Variants in PTPRB observed in about 807,000 individuals in gnomAD.
PTPRB encodes the protein receptor-type tyrosine-protein phosphatase beta.
PTPRB carries 97 observed loss-of-function variants against 238.1 expected under a neutral mutation model. The observed-to-expected ratio is 0.41, with a 90% CI of 0.35 to 0.48. The LOEUF is 0.48. Ranked by LOEUF, PTPRB falls within the 20% of genes least tolerant of loss-of-function variation. PTPRB has a pLI of 0.30. For missense variants in PTPRB, 2,292 were observed against 2,681.9 expected (o/e 0.85, Z 3.21); for synonymous variants, 970 against 995.4 (o/e 0.97, Z 0.48).
At chr12:70,625,766 A>G (rs1885146617) in intron 2 of PTPRB, among the ~76,000 whole-genome samples, 1 of 152,178 alleles carries the variant, frequency 6.6e-6, no homozygotes, top group African/African-American at 2.4e-5. Flanking sequence ...GCTATTTTTG[A>G]AAGCTTTATT....
chr12:70,552,539 C>T (rs910361511), intron 21 of PTPRB, among the ~76,000 whole-genome samples: 1 of 151,082 alleles, frequency 6.6e-6, no homozygotes, highest in Non-Finnish European at 1.5e-5. Context: ...CTATTAAGAA[C>T]CTTCAGTTCT....
chr12:70,564,849 T>TA (rs1254111107), intron 15 of PTPRB, among the ~76,000 whole-genome samples: 2 of 27,674 alleles, frequency 7.2e-5, no homozygotes, highest in Non-Finnish European at 1.2e-4. Context: ...TAATAAATAA[T>TA]AATAATAATA....
intron 1 of PTPRB, among the ~76,000 whole-genome samples, chr12:70,636,856 A>G (rs1223274706): frequency 1.3e-5 from 2 of 152,212 alleles, no homozygotes; most frequent in Non-Finnish European, 1.5e-5. Flanking sequence ...ACCATTTTCA[A>G]TGAGGTTTTA....
intron 9 of PTPRB, among the ~76,000 whole-genome samples, chr12:70,582,766 A>G (rs1229482796): frequency 6.6e-6 from 1 of 152,126 alleles, no homozygotes; most frequent in African/African-American, 2.4e-5. Context: ...ATATGACACC[A>G]CAGCATGATT....
chr12:70,632,197 G>C (rs1885482557), intron 2 of PTPRB, among the ~76,000 whole-genome samples: 1 of 152,150 alleles, frequency 6.6e-6, no homozygotes, highest in African/African-American at 2.4e-5. Context: ...ATCAATGGTA[G>C]ACTAGATTAA....
chr12:70,533,715 A>AC (rs1257669362), intron 31 of PTPRB, among the ~76,000 whole-genome samples: 1 of 152,168 alleles, frequency 6.6e-6, no homozygotes, highest in Non-Finnish European at 1.5e-5. Context: ...CATGAACGGG[A>AC]CTGGTGCCTT....
intron 4 of PTPRB, chr12:70,608,868 G>A: frequency 1.3e-6 from 1 of 745,892 alleles, no homozygotes; most frequent in Non-Finnish European, 2.1e-6. Context: ...GCTGTTTTCA[G>A]CACTAAGGGA....
intron 7 of PTPRB, among the ~76,000 whole-genome samples, chr12:70,590,940 GTTTTTTTTTTT>G (rs35496972): frequency 1.9e-5 from 2 of 102,860 alleles, no homozygotes; most frequent in African/African-American, 3.6e-5. Context: ...TTTCCTCCAA[GTTTTTTTTTTT>G]TTTTTTTTTT....
At chr12:70,594,349 A>G (rs1882787675) in intron 6 of PTPRB, 118 bp downstream of exon 6, 1 of 1,340,608 alleles carries the variant, frequency 7.5e-7, no homozygotes, top group African/African-American at 1.5e-5. Flanking sequence ...TGGGTCTTCT[A>G]TACCTTATAA....
Position 70,534,534 on chromosome 12 carries a change from A to C in PTPRB, c.6322T>G (p.Tyr2108Asp). 6.2e-7 allele frequency: 1 copy of C among 1,613,422 alleles called. No individual in the cohort carries two copies. The highest frequency in any genetic ancestry group is 2.2e-5 in the East Asian group (1 of 44,870). Residue 2108 changes from tyrosine (Y) to aspartate (D), a missense_variant, in exon 31 of 34, where the codon TAC (tyrosine) becomes GAC (aspartate). Coordinates refer to ENST00000334414, the MANE Select transcript of PTPRB (RefSeq NM_001109754.4). Reference protein sequence around the residue: ...LIQFVRTVRDYINRSPGAGPT... With the variant: ...LIQFVRTVRDDINRSPGAGPT... Reference sequence around the variant, plus strand: ...CCAGCACCCGGGCTTCTGTTGATGTAGTCCCTGACAGTTCTCACAAACTGG... The same window carrying C: ...CCAGCACCCGGGCTTCTGTTGATGTCGTCCCTGACAGTTCTCACAAACTGG...
intron 8 of PTPRB, among the ~76,000 whole-genome samples, chr12:70,587,849 C>G (rs1331491235): frequency 1.3e-5 from 2 of 151,764 alleles, no homozygotes; most frequent in Non-Finnish European, 1.5e-5. Context: ...ATCTGTAATC[C>G]CAGCACTTTG....
Position 70,622,640 on chromosome 12 carries a change from AG to A in PTPRB, c.457del (p.Leu153TrpfsTer7). 2 of 1,560,054 alleles carry A rather than the reference AG, an allele frequency of 1.3e-6. No individual in the cohort carries two copies. Among genetic ancestry groups the A allele is most frequent in the Non-Finnish European group, 1.7e-6 (2 of 1,147,448 alleles). ...GCTCCTCACCGAAACTTCTGCTCCC[AG>A]GCCAGCTGAGGTAAAGAAAAGATAG... ...NESLCLQKAG[L>X]GAEVSVRSTR... On this transcript the variant is annotated frameshift_variant, in exon 3 of 34. Coordinates refer to ENST00000334414, the MANE Select transcript of PTPRB (RefSeq NM_001109754.4). LOFTEE classifies it high-confidence loss of function.
chr12:70,588,356 G>A (rs532060447), intron 8 of PTPRB, among the ~76,000 whole-genome samples: 13 of 152,220 alleles, frequency 8.5e-5, no homozygotes, highest in South Asian at 8.3e-4. Context: ...AGTTTGGGCC[G>A]GGTGCAGTGC....
intron 18 of PTPRB, among the ~76,000 whole-genome samples, chr12:70,557,532 C>G (rs1877877885): frequency 6.6e-6 from 1 of 152,206 alleles, no homozygotes; most frequent in Admixed American, 6.5e-5. Context: ...TTCTAGCACC[C>G]GGGACTGAAT....
intron 3 of PTPRB, chr12:70,609,870 C>G: frequency 1.3e-6 from 2 of 1,530,140 alleles, no homozygotes; most frequent in Non-Finnish European, 8.8e-7. Flanking sequence ...TGGGACGGCC[C>G]GAGGGCCGGG....
chr12:70,576,558 A>G lies in PTPRB; in HGVS notation c.2666T>C (p.Val889Ala), dbSNP rs764791076. ...SVSWLLAPGD[V>A]DNYEVTLSHD... ...AGACAATGTTACCTCATAGTTATCC[A>G]CATCTCCGGGCGCCAGCAGCCAGGA... Residue 889 changes from valine to alanine, a missense_variant, in exon 11 of 34, where the codon GTG becomes GCG. Around this residue, in one of 4 missense-constraint regions of PTPRB, gnomAD observed 1,205 missense variants for 1,287.8 expected, o/e 0.94. Transcript: ENST00000334414. 4.5e-6 allele frequency: 7 copies of G among 1,554,018 alleles called. No individual in the cohort carries two copies. In the South Asian group the frequency reaches 8.3e-5, roughly 18 times the overall value.
At chr12:70,621,761 A>G (rs1884946096) in intron 3 of PTPRB, among the ~76,000 whole-genome samples, 1 of 152,192 alleles carries the variant, frequency 6.6e-6, no homozygotes, top group Non-Finnish European at 1.5e-5. Flanking sequence ...AATTACATGT[A>G]TTGCCTAAAT....
chr12:70,559,015 CAAG>C (rs1489195083), intron 18 of PTPRB: 6 of 433,624 alleles, frequency 1.4e-5, no homozygotes, highest in Non-Finnish European at 2.5e-5. Context: ...TTTCCTTTTC[CAAG>C]AAGTTCTCTT....
Position 70,560,531 on chromosome 12 carries a change from A to G in PTPRB, c.4432+140T>C. On this transcript the variant is annotated intron_variant, in intron 17 of 33. Transcript: ENST00000334414. This position sits in a 1 kb window ranked among gnomAD's most constrained non-coding sequence, Gnocchi z 4.2. The stretch of plus-strand genomic sequence containing the variant: ...AGCCTTGTCCTTTATCTGTTGTCCC[A>G]CAGTCCCTTCCCAAATTCAGGGGCT... The G allele has an allele frequency of 9.1e-7, 1 of 1,101,226 alleles. No individual in the cohort carries two copies. Among genetic ancestry groups the G allele is most frequent in the Non-Finnish European group, 1.3e-6 (1 of 782,288 alleles). The allele number at this position is 1,101,226 out of a possible 1,614,324, so 68.2% of individuals were successfully genotyped here.
Sources: gnomAD v4.1 joint callset for allele counts (sites outside exome capture counted in the v4.1 genomes callset) on GRCh38, gnomAD v4.1.1 for gene constraint, gnomAD v4.1.1 regional missense constraint, Gnocchi (gnomAD v3.1) non-coding constraint, MANE v1.5 for transcripts, NCBI Gene and HGNC (gene_info 2026-07-23, HGNC 2026-07-21) for gene names.